Variants in NDUFAF6 observed in about 807,000 individuals in gnomAD.
The protein encoded by NDUFAF6 is NADH dehydrogenase (ubiquinone) complex I, assembly factor 6.
NDUFAF6 carries 45 observed loss-of-function variants against 40.8 expected under a neutral mutation model. The ratio of observed to expected loss-of-function variants is 1.10; its 90% CI spans 0.87 to 1.42. The LOEUF (loss-of-function observed/expected upper bound fraction) is 1.42, where lower values mean the gene tolerates loss of function less well. Ranked by LOEUF, NDUFAF6 falls within the 40% of genes most tolerant of loss-of-function variation. The pLI is 0.00. For missense variants in NDUFAF6, 435 were observed against 418.5 expected, an observed-to-expected ratio of 1.04 and a Z score of -0.34; for synonymous variants, 185 against 155.9, an observed-to-expected ratio of 1.19 and a Z score of -1.39.
At chr8:95,052,024 A>G (rs1831492222) in intron 7 of NDUFAF6, 150 bp from the exon 8 acceptor site, 1 of 742,352 alleles carries the variant, frequency 1.3e-6, no homozygotes, top group South Asian at 1.5e-5. Context: ...CTTTAGGCCT[A>G]GGAAACTAAT....
intron 8 of NDUFAF6, 114 bp from the exon 9 acceptor site, chr8:95,057,695 A>G: frequency 2.5e-6 from 2 of 811,638 alleles, no homozygotes; most frequent in Non-Finnish European, 3.9e-6. Context: ...ATAGAAAACC[A>G]TCTCAGGGAA....
intron 1 of NDUFAF6, among the ~76,000 whole-genome samples, chr8:94,931,586 T>TCACACA (rs1359658404): frequency 6.5e-5 from 3 of 46,122 alleles, no homozygotes; most frequent in Non-Finnish European, 1.1e-4. Flanking sequence ...CACATATTTA[T>TCACACA]TACACACACA....
At chr8:94,944,714 G>A (rs1286529129) in intron 1 of NDUFAF6, among the ~76,000 whole-genome samples, 4 of 152,324 alleles carry the variant, frequency 2.6e-5, no homozygotes, top group South Asian at 4.1e-4. Flanking sequence ...AGTTCCTGGG[G>A]AGGGTTAAAG....
chr8:95,080,869 T>A (rs946946716), downstream of NDUFAF6, among the ~76,000 whole-genome samples: 1 of 152,164 alleles, frequency 6.6e-6, no homozygotes, highest in East Asian at 1.9e-4. Context: ...AGCCTTAGCT[T>A]TGGGCCAAGC....
At chr8:95,044,712 T>G (rs965376610) in intron 4 of NDUFAF6, 1 of 151,862 alleles carries the variant, frequency 6.6e-6, no homozygotes, top group Admixed American at 6.6e-5. Flanking sequence ...CATCTCGGCC[T>G]CCCAAAGTGC....
intron 5 of NDUFAF6, among the ~76,000 whole-genome samples, chr8:95,116,062 G>C (rs559601980): frequency 6.6e-6 from 1 of 151,872 alleles, no homozygotes; most frequent in Admixed American, 6.6e-5. Flanking sequence ...CGCTTGAACC[G>C]GGGAGGCGGA....
In NDUFAF6 at chr8:94,937,313, C is replaced by T. The variant is rs561411652; in HGVS notation, c.-935-8170C>T. ...AATATTACCCAGGTATGGTGGCGGG[C>T]GCCTGTAATCCCAGCTACTTGGGAG... On this transcript the variant is annotated intron_variant, in intron 1 of 14. Coordinates refer to the NDUFAF6 transcript ENST00000396113. Among the ~76,000 whole-genome samples the T allele has an allele frequency of 5.3e-5, 8 of 151,866 alleles. No homozygotes were observed. The East Asian group carries it at 5.8e-4, about 11-fold the overall frequency.
At chr8:95,071,472 T>C (rs1427966889) in intron 9 of NDUFAF6, among the ~76,000 whole-genome samples, 1 of 151,192 alleles carries the variant, frequency 6.6e-6, no homozygotes, top group Non-Finnish European at 1.5e-5. Context: ...CCAGCCAGCT[T>C]TGCAGACTCA....
chr8:94,907,111 C>A (rs1818441667), intron 1 of NDUFAF6, among the ~76,000 whole-genome samples: 1 of 152,206 alleles, frequency 6.6e-6, no homozygotes, highest in Non-Finnish European at 1.5e-5. Flanking sequence ...GTGTGGCCAG[C>A]ACAAAACAGT....
chr8:95,052,727 T>C (rs1030628290), intron 8 of NDUFAF6, among the ~76,000 whole-genome samples: 1 of 152,208 alleles, frequency 6.6e-6, no homozygotes, highest in Non-Finnish European at 1.5e-5. Flanking sequence ...GAAAACTTTT[T>C]AAAAATATAG....
chr8:95,012,233 T>C (rs543845760), intron 2 of NDUFAF6, among the ~76,000 whole-genome samples: 1 of 152,356 alleles, frequency 6.6e-6, no homozygotes, highest in South Asian at 2.1e-4. Context: ...TGTACTTCCT[T>C]TGATACACTG....
At chr8:95,029,914 T>C (rs1469847043) in intron 1 of NDUFAF6, among the ~76,000 whole-genome samples, 1 of 152,122 alleles carries the variant, frequency 6.6e-6, no homozygotes, top group Admixed American at 6.5e-5. Flanking sequence ...TAAATTTAAT[T>C]AAGAATGTTA....
chr8:94,910,036 T>G (rs1412021378), intron 1 of NDUFAF6, among the ~76,000 whole-genome samples: 1 of 152,030 alleles, frequency 6.6e-6, no homozygotes, highest in Non-Finnish European at 1.5e-5. Flanking sequence ...CTCCTTCATT[T>G]TTTTTTCCTT....
At chr8:94,949,853 C>T (rs956532435) in intron 2 of NDUFAF6, among the ~76,000 whole-genome samples, 2 of 152,206 alleles carry the variant, frequency 1.3e-5, no homozygotes, top group African/African-American at 4.8e-5. Context: ...GGGCTAACGC[C>T]TCCGAGAGCC....
Position 94,966,017 on chromosome 8 carries a change from A to G in NDUFAF6, c.-199+7838A>G, listed in dbSNP as rs143287868. ...TTGGAAACTATAGCCAGCTGGCTCCATAATCTGTAACCCACGCTTTGCTCC... is the reference window on the plus strand; with the variant it reads ...TTGGAAACTATAGCCAGCTGGCTCCGTAATCTGTAACCCACGCTTTGCTCC... On this transcript the variant is annotated intron_variant, in intron 1 of 9. Coordinates refer to the NDUFAF6 transcript ENST00000396111. Among the ~76,000 whole-genome samples the G allele has an allele frequency of 2.7e-3, 417 of 152,336 alleles. 4 individuals carry two copies. Among genetic ancestry groups the G allele is most frequent in the Middle Eastern group, 0.017 (5 of 294 alleles).
In NDUFAF6 at chr8:95,052,236, T is replaced by C. The variant is rs751658458; in HGVS notation, c.873+6T>C. On this transcript the variant is annotated splice_donor_region_variant and intron_variant, in intron 8 of 8. Coordinates refer to ENST00000396124, the MANE Select transcript of NDUFAF6 (RefSeq NM_152416.4). Reference sequence around the variant, plus strand: ...TTCCTGCTTTTCTTCAGACGGTAAGTAGATTAACAGAGAAGGCTGTATAAT... The same window carrying C: ...TTCCTGCTTTTCTTCAGACGGTAAGCAGATTAACAGAGAAGGCTGTATAAT... 1 of 1,613,504 alleles carries C rather than the reference T, an allele frequency of 6.2e-7. No homozygotes were observed. The highest frequency in any genetic ancestry group is 8.5e-7 in the Non-Finnish European group (1 of 1,179,442).
At chr8:94,912,982 A>G (rs1818891408) in intron 1 of NDUFAF6, among the ~76,000 whole-genome samples, 1 of 152,212 alleles carries the variant, frequency 6.6e-6, no homozygotes, top group African/African-American at 2.4e-5. Flanking sequence ...CATCTCAATC[A>G]ATCAATAGAT....
chr8:95,113,661 G>C (rs895613999), intron 4 of NDUFAF6, among the ~76,000 whole-genome samples: 2 of 152,172 alleles, frequency 1.3e-5, no homozygotes, highest in South Asian at 2.1e-4. Flanking sequence ...GCTTTTGTTA[G>C]GAAAGAGCAA....
intron 2 of NDUFAF6, among the ~76,000 whole-genome samples, chr8:95,004,349 C>CTT (rs11422482): frequency 0.089 from 8,207 of 92,158 alleles, 1,020 homozygotes; most frequent in African/African-American, 0.22. Flanking sequence ...CTCACCATTA[C>CTT]TTTTTTTTTT....
Sources: allele counts gnomAD v4.1 joint callset (sites outside exome capture counted in the v4.1 genomes callset), GRCh38; gene constraint gnomAD v4.1.1; transcripts MANE v1.5; gene names NCBI Gene and HGNC (gene_info 2026-07-23, HGNC 2026-07-21).